Variants in XYLT1 observed in about 807,000 individuals in gnomAD.
XYLT1 encodes the protein beta-D-xylosyltransferase 1.
In XYLT1, 36 loss-of-function variants were observed where a neutral mutation model predicts 91.3. That is an observed-to-expected ratio of 0.39 (90% CI 0.30 to 0.52). The LOEUF is 0.52. XYLT1 is among the 20% of genes least tolerant of loss of function. The pLI is 0.68. For synonymous variants in XYLT1, 588 were observed against 532.0 expected (o/e 1.11, Z -1.45); for missense variants, 1,242 against 1,284.5 (o/e 0.97, Z 0.51).
At position 17,257,073 on chromosome 16, in the gene XYLT1, C is replaced by T. The variant is rs551063860; in HGVS notation, c.913+1915G>A. Among the ~76,000 whole-genome samples, 198 of 152,304 alleles carry T rather than the reference C, an allele frequency of 1.3e-3. 2 individuals are homozygous for T. The highest frequency in any genetic ancestry group is 6.6e-3 in the Admixed American group (101 of 15,308). On this transcript the variant is annotated intron_variant, in intron 3 of 11. Transcript: ENST00000261381. ...TGCTCATTTAAGGGTCTTTTCCCTT[C>T]GGAGATAACAAAAGCAGGGGTTGGT...
chr16:17,370,038 T>G (rs2035510293), intron 1 of XYLT1, among the ~76,000 whole-genome samples: 1 of 151,962 alleles, frequency 6.6e-6, no homozygotes, highest in Non-Finnish European at 1.5e-5. Context: ...GCGAGACCCT[T>G]ACAAAGCCCC....
At chr16:17,217,482 G>T (rs551750182) in intron 3 of XYLT1, among the ~76,000 whole-genome samples, 1 of 152,282 alleles carries the variant, frequency 6.6e-6, no homozygotes, top group East Asian at 1.9e-4. Context: ...TGTATGTTCT[G>T]CTTTGTCATA....
intron 2 of XYLT1, among the ~76,000 whole-genome samples, chr16:17,309,612 T>C (rs2034515086): frequency 6.6e-6 from 1 of 152,052 alleles, no homozygotes; most frequent in Admixed American, 6.5e-5. Context: ...AGAGGGGAAA[T>C]TTTCCAAGAA....
intron 2 of XYLT1, among the ~76,000 whole-genome samples, chr16:17,348,903 G>A (rs558384499): frequency 4.6e-5 from 7 of 152,312 alleles, no homozygotes; most frequent in Non-Finnish European, 8.8e-5. Flanking sequence ...ATCTTGGTGC[G>A]TGTGCTATTT....
At chr16:17,292,581 A>C (rs2141800032) in intron 2 of XYLT1, among the ~76,000 whole-genome samples, 1 of 152,320 alleles carries the variant, frequency 6.6e-6, no homozygotes, top group South Asian at 2.1e-4. Flanking sequence ...GGTATAGTCA[A>C]GTGTTTATTT....
intron 2 of XYLT1, among the ~76,000 whole-genome samples, chr16:17,340,948 C>CA (rs1469231807): frequency 6.6e-6 from 1 of 152,148 alleles, no homozygotes; most frequent in African/African-American, 2.4e-5. Flanking sequence ...AAATTCAAAT[C>CA]AAGGCAGCAA....
intron 2 of XYLT1, among the ~76,000 whole-genome samples, chr16:17,285,806 CCTT>C (rs1390300262): frequency 6.6e-6 from 1 of 152,036 alleles, no homozygotes; most frequent in African/African-American, 2.4e-5. Flanking sequence ...AAAAATGTGT[CCTT>C]CTGAGGAGCA....
rs1356883171 is a variant in XYLT1, at chr16:17,295,438, C to T, written c.403-35940G>A. ...TGGTACGATCTCGGCTCACTGCAAC[C>T]TCCATCTCCCAGGTTCAAGCAATTC... is the stretch of plus-strand genomic sequence containing the variant. On this transcript the variant is annotated intron_variant, in intron 2 of 11. Transcript: ENST00000261381. 2.0e-5 allele frequency among the ~76,000 whole-genome samples: 3 copies of T among 151,922 alleles called. No homozygotes were observed. The South Asian group carries it at 6.2e-4, about 32-fold the overall frequency.
intron 3 of XYLT1, among the ~76,000 whole-genome samples, chr16:17,239,385 A>C (rs1051726783): frequency 2.8e-5 from 4 of 144,626 alleles, no homozygotes; most frequent in Non-Finnish European, 6.1e-5. Flanking sequence ...CATCCCATTC[A>C]TCCATCCACT....
chr16:17,442,805 C>T (rs2036547206), intron 1 of XYLT1, among the ~76,000 whole-genome samples: 1 of 152,130 alleles, frequency 6.6e-6, no homozygotes, highest in Non-Finnish European at 1.5e-5. Context: ...AACAAGATCG[C>T]CTTATTCCTA....
chr16:17,400,985 T>TACACAC lies in XYLT1; in HGVS notation c.364-42941_364-42936dup, dbSNP rs71373111. Among the ~76,000 whole-genome samples the TACACAC allele has an allele frequency of 5.4e-3, 805 of 148,780 alleles. 6 individuals carry two copies. Among genetic ancestry groups the TACACAC allele is most frequent in the African/African-American group, 0.018 (751 of 40,712 alleles). The stretch of plus-strand genomic sequence containing the variant: ...TCTCTCTGTCTCACTCTCTCTTTCA[T>TACACAC]ACACACACACACACACACACACACA... On this transcript the variant is annotated intron_variant, in intron 1 of 11. Transcript: ENST00000261381.
intron 3 of XYLT1, among the ~76,000 whole-genome samples, chr16:17,225,617 A>C (rs975383092): frequency 2.1e-4 from 32 of 152,004 alleles, no homozygotes; most frequent in East Asian, 1.9e-4. Flanking sequence ...AAAAAAAAAA[A>C]CCCAATTTTC....
intron 6 of XYLT1, among the ~76,000 whole-genome samples, chr16:17,154,048 T>C (rs2031347243): frequency 6.6e-6 from 1 of 151,882 alleles, no homozygotes; most frequent in Non-Finnish European, 1.5e-5. Context: ...GCTGTATTCA[T>C]TTCTGAAATG....
intron 2 of XYLT1, among the ~76,000 whole-genome samples, chr16:17,268,570 C>T (rs1018544879): frequency 2.0e-5 from 3 of 151,918 alleles, no homozygotes; most frequent in Non-Finnish European, 2.9e-5. Flanking sequence ...TTTATGTAGG[C>T]TGTTTTGCTA....
chr16:17,156,015 T>G (rs963736685), intron 6 of XYLT1, among the ~76,000 whole-genome samples: 1 of 152,228 alleles, frequency 6.6e-6, no homozygotes, highest in African/African-American at 2.4e-5. Context: ...ACCATCATCA[T>G]AAACATTTAC....
At chr16:17,442,848 T>G (rs2036547722) in intron 1 of XYLT1, among the ~76,000 whole-genome samples, 2 of 152,040 alleles carry the variant, frequency 1.3e-5, no homozygotes, top group Non-Finnish European at 2.9e-5. Context: ...TTAACCTTCC[T>G]CCAAAACTAA....
chr16:17,304,492 C>T (rs1049024264), intron 2 of XYLT1, among the ~76,000 whole-genome samples: 23 of 151,168 alleles, frequency 1.5e-4, no homozygotes, highest in Non-Finnish European at 2.9e-4. Context: ...ATTTGGACCG[C>T]GCAGGGGAGG....
At chr16:17,358,670 A>C (rs2035339361) in intron 1 of XYLT1, among the ~76,000 whole-genome samples, 1 of 152,192 alleles carries the variant, frequency 6.6e-6, no homozygotes, top group Non-Finnish European at 1.5e-5. Flanking sequence ...GAAAAAAGAA[A>C]CAAGGCACCC....
At chr16:17,197,462 T>C (rs1454750792) in intron 5 of XYLT1, among the ~76,000 whole-genome samples, 1 of 152,214 alleles carries the variant, frequency 6.6e-6, no homozygotes, top group Non-Finnish European at 1.5e-5. Context: ...TGATGGTTAC[T>C]ATTGAGTGTC....
Sources: allele counts gnomAD v4.1 joint callset (sites outside exome capture counted in the v4.1 genomes callset), GRCh38; gene constraint gnomAD v4.1.1; transcripts MANE v1.5; gene names NCBI Gene and HGNC (gene_info 2026-07-23, HGNC 2026-07-21).